SPOCK1: variants seen among roughly 807,000 people sequenced by gnomAD.
The protein encoded by SPOCK1 is SPARC (osteonectin), cwcv and kazal like domains proteoglycan 1, also known as testican-1.
Under a neutral mutation model 55.3 loss-of-function variants are expected in SPOCK1, and 23 were observed. The observed-to-expected ratio is 0.42, with a 90% confidence interval of 0.30 to 0.59. SPOCK1 has a LOEUF of 0.59. Ranked by LOEUF, SPOCK1 falls within the 20% of genes least tolerant of loss-of-function variation. The pLI is 0.22. For missense variants in SPOCK1, 499 were observed against 552.5 expected, an observed-to-expected ratio of 0.90 and a Z score of 0.97; for synonymous variants, 226 against 221.0, an observed-to-expected ratio of 1.02 and a Z score of -0.20.
intron 3 of SPOCK1, among the ~76,000 whole-genome samples, chr5:137,155,651 A>G (rs539747669): frequency 6.6e-6 from 1 of 152,378 alleles, no homozygotes; most frequent in East Asian, 1.9e-4. Flanking sequence ...TAAAACAGCC[A>G]TCAGGCTTTT....
intron 6 of SPOCK1, among the ~76,000 whole-genome samples, chr5:136,993,570 A>T (rs541501998): frequency 6.6e-6 from 1 of 152,310 alleles, no homozygotes; most frequent in South Asian, 2.1e-4. Context: ...TCAAAATTCC[A>T]ATGAGTAAAA....
intron 2 of SPOCK1, among the ~76,000 whole-genome samples, chr5:137,329,554 G>A (rs1182021823): frequency 6.6e-6 from 1 of 152,018 alleles, no homozygotes; most frequent in Non-Finnish European, 1.5e-5. Flanking sequence ...ATAAGCCAGT[G>A]TTTAAAACTA....
intron 2 of SPOCK1, among the ~76,000 whole-genome samples, chr5:137,356,001 C>T (rs1305119682): frequency 1.3e-5 from 2 of 152,190 alleles, no homozygotes; most frequent in South Asian, 2.1e-4. Context: ...CCAGCCGTCA[C>T]TTCCACTACC....
intron 2 of SPOCK1, among the ~76,000 whole-genome samples, chr5:137,418,510 G>A (rs1176873239): frequency 6.6e-6 from 1 of 152,106 alleles, no homozygotes; most frequent in Non-Finnish European, 1.5e-5. Context: ...ACTGGTGTGA[G>A]ATGGTATCTC....
intron 6 of SPOCK1, among the ~76,000 whole-genome samples, chr5:137,018,644 C>T (rs973243188): frequency 7.9e-5 from 12 of 152,180 alleles, no homozygotes; most frequent in South Asian, 2.1e-4. Context: ...CTGCCCCTCT[C>T]CTTCTTAGAG....
At chr5:137,220,057 C>T (rs1018499131) in intron 3 of SPOCK1, among the ~76,000 whole-genome samples, 1 of 152,150 alleles carries the variant, frequency 6.6e-6, no homozygotes, top group African/African-American at 2.4e-5. Flanking sequence ...AGACACCATG[C>T]CCTCCATCTA....
intron 4 of SPOCK1, among the ~76,000 whole-genome samples, chr5:137,135,878 C>T (rs1180940187): frequency 6.6e-6 from 1 of 152,212 alleles, no homozygotes; most frequent in African/African-American, 2.4e-5. Context: ...AATCTGTCTA[C>T]TCATTCATCT....
chr5:137,320,583 G>GA (rs1230761066), intron 2 of SPOCK1, among the ~76,000 whole-genome samples: 3 of 152,208 alleles, frequency 2.0e-5, no homozygotes, highest in African/African-American at 7.2e-5. Context: ...CTCAATGCCA[G>GA]AAAAAGCGCC....
At chr5:137,182,562 C>CCCA (rs1171841496) in intron 3 of SPOCK1, among the ~76,000 whole-genome samples, 1 of 152,160 alleles carries the variant, frequency 6.6e-6, no homozygotes, top group Non-Finnish European at 1.5e-5. Context: ...CTGGATTCAC[C>CCCA]CCACATTCCT....
intron 2 of SPOCK1, among the ~76,000 whole-genome samples, chr5:137,493,474 C>A (rs1754231848): frequency 6.6e-6 from 1 of 152,200 alleles, no homozygotes; most frequent in Non-Finnish European, 1.5e-5. Flanking sequence ...GGAAGGCCAA[C>A]TGGGGCAAGG....
At chr5:137,142,006 G>A (rs1164673385) in intron 3 of SPOCK1, among the ~76,000 whole-genome samples, 5 of 152,148 alleles carry the variant, frequency 3.3e-5, no homozygotes, top group Admixed American at 1.3e-4. Flanking sequence ...AAGAGGCCTC[G>A]GGGAATTCTC....
rs547517025 is a variant in SPOCK1 at position 137,431,512 on chromosome 5, TGTCTAAATTTGATCCCCG to T, written c.186+66843_186+66860del. ...GTTTGTTTGTCCCCACCAAAACTCA[TGTCTAAATTTGATCCCCG>T]GTGTGGTGGTGTTGGGAGGTGGGAC... On this transcript the variant is annotated intron_variant, in intron 2 of 10. Transcript: ENST00000394945. Among the ~76,000 whole-genome samples the T allele has an allele frequency of 2.0e-5, 3 of 152,332 alleles. No homozygotes were observed. In the East Asian group the frequency reaches 5.8e-4, roughly 29 times the overall value.
intron 2 of SPOCK1, among the ~76,000 whole-genome samples, chr5:137,272,041 A>T (rs1249903061): frequency 1.3e-5 from 2 of 152,222 alleles, no homozygotes; most frequent in African/African-American, 2.4e-5. Flanking sequence ...GCAGGTAGTC[A>T]TTTTGGAGTT....
intron 5 of SPOCK1, among the ~76,000 whole-genome samples, chr5:137,102,152 GA>G (rs966161800): frequency 2.0e-5 from 3 of 151,860 alleles, no homozygotes; most frequent in Non-Finnish European, 4.4e-5. Flanking sequence ...TTCTTCTGCT[GA>G]AAAAAAATCT....
intron 2 of SPOCK1, among the ~76,000 whole-genome samples, chr5:137,390,021 AG>A (rs974561489): frequency 1.3e-5 from 2 of 152,116 alleles, no homozygotes; most frequent in African/African-American, 4.8e-5. Flanking sequence ...ACCTCCACCC[AG>A]GTTCAAGCAG....
intron 2 of SPOCK1, among the ~76,000 whole-genome samples, chr5:137,437,334 G>A (rs1752887071): frequency 6.6e-6 from 1 of 152,210 alleles, no homozygotes; most frequent in South Asian, 2.1e-4. Flanking sequence ...GAGGAGCACA[G>A]AGGAAACAGA....
chr5:137,010,007 G>A (rs1751321524), intron 6 of SPOCK1, among the ~76,000 whole-genome samples: 1 of 152,104 alleles, frequency 6.6e-6, no homozygotes, highest in African/African-American at 2.4e-5. Context: ...TCAAATATGT[G>A]TTCACCTGGG....
chr5:137,173,383 T>G (rs1453235859), intron 3 of SPOCK1, among the ~76,000 whole-genome samples: 1 of 152,180 alleles, frequency 6.6e-6, no homozygotes, highest in East Asian at 1.9e-4. Flanking sequence ...ATAAATCAAC[T>G]TTTTCTTAAC....
intron 2 of SPOCK1, among the ~76,000 whole-genome samples, chr5:137,421,896 T>C (rs943820162): frequency 6.6e-6 from 1 of 152,254 alleles, no homozygotes; most frequent in Non-Finnish European, 1.5e-5. Flanking sequence ...CCAGCCTCAA[T>C]GGTCTTTACA....
Sources: allele counts gnomAD v4.1 joint callset (sites outside exome capture counted in the v4.1 genomes callset), GRCh38; gene constraint gnomAD v4.1.1; transcripts MANE v1.5; gene names NCBI Gene and HGNC (gene_info 2026-07-23, HGNC 2026-07-21).